Variants in EBF4 observed in about 807,000 individuals in gnomAD.
EBF4 encodes the protein transcription factor COE4.
A neutral mutation model predicts 67.1 loss-of-function variants in EBF4; 34 were observed. That is an observed-to-expected ratio of 0.51 (90% confidence interval 0.39 to 0.67). The LOEUF is 0.67. EBF4 is among the 30% of genes least tolerant of loss of function. The pLI is 0.00. For synonymous variants in EBF4, 387 were observed against 377.7 expected, an observed-to-expected ratio of 1.02 and a Z score of -0.29; for missense variants, 837 against 873.3, an observed-to-expected ratio of 0.96 and a Z score of 0.52.
chr20:2,752,280 TC>T lies in EBF4; in HGVS notation c.1351+21del, dbSNP rs2088164517. On this transcript the variant is annotated intron_variant, in intron 13 of 16. Coordinates refer to ENST00000609451, the Ensembl canonical transcript of EBF4. ...CCGAGCCGGGTGCGTGGGCCGCGCC[TC>T]CCCGCCGTCCTCGGGCGCCGCCACC... The T allele has an allele frequency of 1.6e-6, 2 of 1,221,092 alleles. No individual in the cohort carries two copies. Among genetic ancestry groups the T allele is most frequent in the African/African-American group, 1.6e-5 (1 of 62,970 alleles). The allele number at this position is 1,221,092 out of a possible 1,614,324, so 75.6% of individuals were successfully genotyped here.
At chr20:2,717,858 T>G (rs1390325597) in intron 6 of EBF4, among the ~76,000 whole-genome samples, 1 of 151,740 alleles carries the variant, frequency 6.6e-6, no homozygotes, top group African/African-American at 2.4e-5. Flanking sequence ...TCGCTCAGGC[T>G]GGAGTGCAGT....
chr20:2,693,033 C>A, upstream of EBF4: 1 of 151,460 alleles, frequency 6.6e-6, no homozygotes, highest in South Asian at 1.8e-4. The surrounding 1 kb of genome is among the most constrained non-coding windows in gnomAD (Gnocchi z 4.6). Flanking sequence ...GTCTGCTGGC[C>A]CGGCGCGGCC....
At chr20:2,699,329 G>A (rs1399629593) in intron 1 of EBF4, among the ~76,000 whole-genome samples, 1 of 152,194 alleles carries the variant, frequency 6.6e-6, no homozygotes, top group Non-Finnish European at 1.5e-5. Flanking sequence ...GGAAGTCCAT[G>A]CACACCCATG....
intron 1 of EBF4, among the ~76,000 whole-genome samples, chr20:2,703,648 G>A (rs908983761): frequency 6.8e-6 from 1 of 147,930 alleles, no homozygotes; most frequent in Non-Finnish European, 1.5e-5. Context: ...GCGTGACAGA[G>A]TGAGATCCTG....
intron 6 of EBF4, among the ~76,000 whole-genome samples, chr20:2,731,295 C>T (rs893692597): frequency 6.6e-6 from 1 of 152,198 alleles, no homozygotes; most frequent in Non-Finnish European, 1.5e-5. Flanking sequence ...TCTCTCAAAA[C>T]AGTCCAGGGC....
chr20:2,731,602 G>A lies in EBF4; in HGVS notation c.558-16947G>A, dbSNP rs75890868. On this transcript the variant is annotated intron_variant, in intron 6 of 16. Coordinates refer to ENST00000609451, the Ensembl canonical transcript of EBF4. ...CAGAGGGTTCTATCATGAAAAGAAAGGAAGGAAGCTAGATAACGGGGACAG... is the reference window on the plus strand; with the variant it reads ...CAGAGGGTTCTATCATGAAAAGAAAAGAAGGAAGCTAGATAACGGGGACAG... 0.01 allele frequency among the ~76,000 whole-genome samples: 1,519 copies of A among 151,780 alleles called. 43 individuals carry two copies. In the East Asian group the frequency reaches 0.11, roughly 11 times the overall value.
rs575816444 is a variant in EBF4 at position 2,703,118 on chromosome 20, A to G, written c.138-2459A>G. ...AAAAAGTAAACAAAATTATCCAGGC[A>G]TGGTGGTGCATGCCTGTAGTCCCAG... On this transcript the variant is annotated intron_variant, in intron 1 of 16. Coordinates refer to ENST00000609451, the Ensembl canonical transcript of EBF4. Among the ~76,000 whole-genome samples, 4 of 152,082 alleles carry G rather than the reference A, an allele frequency of 2.6e-5. No individual in the cohort carries two copies. In the East Asian group the frequency reaches 7.7e-4, roughly 29 times the overall value.
chr20:2,698,609 G>A (rs2087330710), intron 1 of EBF4, among the ~76,000 whole-genome samples: 1 of 152,052 alleles, frequency 6.6e-6, no homozygotes, highest in South Asian at 2.1e-4. Flanking sequence ...CTGTCAGGAT[G>A]GGGCTAAGAA....
Position 2,749,360 on chromosome 20 carries a change from C to G in EBF4, c.640-41C>G. 2 of 1,474,054 alleles carry G rather than the reference C, an allele frequency of 1.4e-6. 1 individual carries two copies. The highest frequency in any genetic ancestry group is 2.6e-5 in the South Asian group (2 of 78,138). The allele number at this position is 1,474,054 out of a possible 1,614,324, so 91.3% of individuals were successfully genotyped here. ...CCACCACATTCCCCTCCCGGGAGCC[C>G]CCGAGGGCCCCAGCCAGGCTGGCCT... On this transcript the variant is annotated intron_variant, in intron 7 of 16. Coordinates refer to ENST00000609451, the Ensembl canonical transcript of EBF4.
At chr20:2,754,663 C>T (rs976975433) in intron 14 of EBF4, among the ~76,000 whole-genome samples, 1 of 152,184 alleles carries the variant, frequency 6.6e-6, no homozygotes, top group Admixed American at 6.5e-5. Context: ...ACCCCACTGC[C>T]TGCTGCCTGG....
chr20:2,708,328 G>A (rs539658996), intron 5 of EBF4, among the ~76,000 whole-genome samples: 1 of 152,356 alleles, frequency 6.6e-6, no homozygotes, highest in Admixed American at 6.5e-5. Flanking sequence ...TGCTGGGGTT[G>A]CGGGAACAGG....
At chr20:2,713,981 A>C (rs1217800723) in intron 6 of EBF4, among the ~76,000 whole-genome samples, 2 of 152,230 alleles carry the variant, frequency 1.3e-5, no homozygotes, top group Non-Finnish European at 2.9e-5. Context: ...CTGACATTGA[A>C]ATAACCAAGA....
chr20:2,694,254 G>C (rs962465286), intron 1 of EBF4, among the ~76,000 whole-genome samples: 5 of 152,232 alleles, frequency 3.3e-5, no homozygotes, highest in African/African-American at 4.8e-5. Flanking sequence ...GGATGGGGGT[G>C]TGCAGAGCCA....
chr20:2,729,175 C>T (rs2087781853), intron 6 of EBF4, among the ~76,000 whole-genome samples: 2 of 150,710 alleles, frequency 1.3e-5, no homozygotes, highest in African/African-American at 5.0e-5. Context: ...TCAATGGGTC[C>T]ATGGCACCAA....
intron 6 of EBF4, among the ~76,000 whole-genome samples, chr20:2,713,399 C>T (rs1238548666): frequency 6.6e-6 from 1 of 152,022 alleles, no homozygotes; most frequent in Admixed American, 6.6e-5. Flanking sequence ...GAACTGAGAA[C>T]CAAGGTCAAC....
intron 10 of EBF4, among the ~76,000 whole-genome samples, chr20:2,750,674 A>G (rs2088130494): frequency 6.6e-6 from 1 of 152,092 alleles, no homozygotes; most frequent in Non-Finnish European, 1.5e-5. Flanking sequence ...TAGTGACCCT[A>G]CTTAGCCTCC....
chr20:2,737,393 A>G (rs1429146755), intron 6 of EBF4, among the ~76,000 whole-genome samples: 2 of 152,122 alleles, frequency 1.3e-5, no homozygotes, highest in Non-Finnish European at 2.9e-5. Context: ...TTTCTCCACA[A>G]AGTGGAGAGT....
At chr20:2,721,612 G>A (rs1225854705) in intron 6 of EBF4, among the ~76,000 whole-genome samples, 4 of 151,862 alleles carry the variant, frequency 2.6e-5, no homozygotes, top group African/African-American at 9.7e-5. Context: ...GTGCCACCAT[G>A]CCCAGCTAAT....
chr20:2,715,941 A>G (rs1345542908), intron 6 of EBF4, among the ~76,000 whole-genome samples: 2 of 151,612 alleles, frequency 1.3e-5, no homozygotes, highest in African/African-American at 4.8e-5. Context: ...CAGAGATGGG[A>G]TTTCGCCATG....
Sources: allele counts gnomAD v4.1 joint callset (sites outside exome capture counted in the v4.1 genomes callset), GRCh38; gene constraint gnomAD v4.1.1; non-coding constraint Gnocchi (gnomAD v3.1); transcripts MANE v1.5; gene names NCBI Gene and HGNC (gene_info 2026-07-23, HGNC 2026-07-21).